Variants in KIAA1958 observed in about 807,000 individuals in gnomAD.
KIAA1958 encodes KIAA1958.
Under a neutral mutation model 47.2 loss-of-function variants are expected in KIAA1958, and 14 were observed. The ratio of observed to expected loss-of-function variants is 0.30; its 90% confidence interval spans 0.20 to 0.46. The LOEUF is 0.46. Ranked by LOEUF, KIAA1958 falls within the 20% of genes least tolerant of loss-of-function variation. The pLI is 1.00. For missense variants in KIAA1958, 803 were observed against 909.2 expected (o/e 0.88, Z 1.50); for synonymous variants, 354 against 353.3 (o/e 1.00, Z -0.02).
chr9:112,597,460 T>C (rs1046301799), intron 2 of KIAA1958, among the ~76,000 whole-genome samples: 1 of 152,232 alleles, frequency 6.6e-6, no homozygotes, highest in Non-Finnish European at 1.5e-5. Flanking sequence ...CCCAAATTTA[T>C]GCTCTTAACC....
chr9:112,552,087 T>C (rs139808548), intron 1 of KIAA1958, among the ~76,000 whole-genome samples: 15 of 152,310 alleles, frequency 9.8e-5, no homozygotes, highest in African/African-American at 3.4e-4. Context: ...AATATTTTTG[T>C]GTGTGACAGC....
Position 112,618,289 on chromosome 9 carries a change from A to G in KIAA1958, c.1172-27361A>G, listed in dbSNP as rs1836440312. ...TTGCTGACGAGCTCATCCTGCGGAAAAGGGGACTGCTAAGCCGATATAACC... is the reference window on the plus strand; with the variant it reads ...TTGCTGACGAGCTCATCCTGCGGAAGAGGGGACTGCTAAGCCGATATAACC... On this transcript the variant is annotated intron_variant, in intron 2 of 3. Transcript: ENST00000337530. This position sits in a 1 kb window ranked among gnomAD's most constrained non-coding sequence, Gnocchi z 7.1. 1.3e-6 allele frequency: 2 copies of G among 1,550,936 alleles called. No individual in the cohort carries two copies. Among genetic ancestry groups the G allele is most frequent in the Non-Finnish European group, 1.7e-6 (2 of 1,147,094 alleles).
At chr9:112,538,087 A>G (rs1399505082) in intron 1 of KIAA1958, among the ~76,000 whole-genome samples, 3 of 152,106 alleles carry the variant, frequency 2.0e-5, no homozygotes, top group African/African-American at 4.8e-5. Flanking sequence ...TCCCAGCTCT[A>G]TGGGAGGCCA....
chr9:112,607,664 A>G lies in KIAA1958; in HGVS notation c.1171+32413A>G, dbSNP rs1836258414. Among the ~76,000 whole-genome samples the G allele has an allele frequency of 2.0e-5, 3 of 150,704 alleles. No individual in the cohort carries two copies. In the Admixed American group the frequency reaches 2.0e-4, roughly 10 times the overall value. Reference sequence around the variant, plus strand: ...ATACTCTGTACCAGAAAAAAAGACTAATGTACAATGATCAGCACTGAGACA... The same window carrying G: ...ATACTCTGTACCAGAAAAAAAGACTGATGTACAATGATCAGCACTGAGACA... On this transcript the variant is annotated intron_variant, in intron 2 of 3. Coordinates refer to ENST00000337530, the MANE Select transcript of KIAA1958 (RefSeq NM_133465.4).
chr9:112,559,141 C>G (rs1346876175), intron 1 of KIAA1958, among the ~76,000 whole-genome samples: 1 of 152,132 alleles, frequency 6.6e-6, no homozygotes, highest in Non-Finnish European at 1.5e-5. Flanking sequence ...GGTTCTTCTA[C>G]GTAGACATGT....
chr9:112,515,326 C>T (rs1273769008), intron 1 of KIAA1958, among the ~76,000 whole-genome samples: 2 of 141,488 alleles, frequency 1.4e-5, no homozygotes, highest in African/African-American at 2.6e-5. Context: ...TCTGCCCGGC[C>T]GCCCCTACTG....
intron 2 of KIAA1958, among the ~76,000 whole-genome samples, chr9:112,609,077 A>C (rs1449502530): frequency 6.6e-6 from 1 of 152,214 alleles, no homozygotes; most frequent in Non-Finnish European, 1.5e-5. Context: ...GATTTGGCCA[A>C]CAGAAAGAGG....
chr9:112,618,538 G>A lies in KIAA1958; in HGVS notation c.1172-27112G>A, dbSNP rs1167615086. 1.2e-5 allele frequency: 18 copies of A among 1,550,710 alleles called. No individual in the cohort carries two copies. The highest frequency in any genetic ancestry group is 1.5e-5 in the Non-Finnish European group (17 of 1,147,020). ...TGTATGCCACCCAGCACGCCCCACA[G>A]ACCTGCCCTGTCCAGGACTATAAGG... On this transcript the variant is annotated intron_variant, in intron 2 of 3. Transcript: ENST00000337530. This position sits in a 1 kb window ranked among gnomAD's most constrained non-coding sequence, Gnocchi z 7.1.
At position 112,493,635 on chromosome 9, in the gene KIAA1958, G is replaced by A. The variant is rs79776084; in HGVS notation, c.-25+6517G>A. ...TTAGTTTTTCATTTAAATATATTCA[G>A]TGTGCAACAGAAGTCCTTACGGTAA... On this transcript the variant is annotated intron_variant, in intron 1 of 3. Coordinates refer to ENST00000337530, the MANE Select transcript of KIAA1958 (RefSeq NM_133465.4). Among the ~76,000 whole-genome samples, 408 of 152,206 alleles carry A rather than the reference G, an allele frequency of 2.7e-3. 2 individuals carry two copies. The highest frequency in any genetic ancestry group is 9.3e-3 in the African/African-American group (385 of 41,520).
At chr9:112,657,502 ATATT>A (rs1564204083) in intron 3 of KIAA1958, among the ~76,000 whole-genome samples, 1 of 152,202 alleles carries the variant, frequency 6.6e-6, no homozygotes, top group African/African-American at 2.4e-5. Context: ...ACTATGATGT[ATATT>A]TATTATGTAT....
intron 1 of KIAA1958, among the ~76,000 whole-genome samples, chr9:112,569,780 C>A (rs1450143747): frequency 5.9e-5 from 9 of 152,082 alleles, no homozygotes. Flanking sequence ...GCCTCCATGC[C>A]TGACTAATTT....
chr9:112,610,138 A>G (rs531283938), intron 2 of KIAA1958, among the ~76,000 whole-genome samples: 4 of 152,318 alleles, frequency 2.6e-5, no homozygotes, highest in Admixed American at 2.6e-4. Context: ...AGTTTTTATT[A>G]TGAAATCAAT....
intron 1 of KIAA1958, among the ~76,000 whole-genome samples, chr9:112,544,582 C>A (rs1049043376): frequency 6.6e-6 from 1 of 152,156 alleles, no homozygotes; most frequent in African/African-American, 2.4e-5. Flanking sequence ...AGGGGGCAGC[C>A]CCCAGTTGCT....
intron 2 of KIAA1958, among the ~76,000 whole-genome samples, chr9:112,636,374 C>G (rs554969324): frequency 2.0e-5 from 3 of 152,000 alleles, no homozygotes; most frequent in South Asian, 2.1e-4. Flanking sequence ...GTGTGTTGTT[C>G]TTCTTTATGT....
At position 112,645,750 on chromosome 9, in the gene KIAA1958, G is replaced by A. The variant is rs372461264; in HGVS notation, c.1272G>A (p.Thr424=). The part of the protein sequence containing the change: ...SAVSPNTTKA[T]RYALNVWRYW... ...TAAGCCCAAATACTACCAAAGCCAC[G>A]CGGTACGCCTTGAATGTGTGGCGTT... Residue 424 remains threonine, a synonymous_variant, in exon 3 of 4, where the codon ACG becomes ACA. Coordinates refer to ENST00000337530, the MANE Select transcript of KIAA1958 (RefSeq NM_133465.4). 4.7e-5 allele frequency: 76 copies of A among 1,613,906 alleles called. No individual in the cohort carries two copies. Among genetic ancestry groups the A allele is most frequent in the Non-Finnish European group, 5.9e-5 (70 of 1,179,966 alleles).
chr9:112,548,748 A>G (rs1207413776), intron 1 of KIAA1958, among the ~76,000 whole-genome samples: 1 of 152,220 alleles, frequency 6.6e-6, no homozygotes, highest in African/African-American at 2.4e-5. Context: ...GTTTTTCCAA[A>G]TATTTCTCAG....
At chr9:112,658,972 A>G (rs1002942772) in intron 3 of KIAA1958, among the ~76,000 whole-genome samples, 1 of 146,208 alleles carries the variant, frequency 6.8e-6, no homozygotes, top group Non-Finnish European at 1.5e-5. Flanking sequence ...GTGAGCCGAG[A>G]TCACGCCACT....
At chr9:112,646,224 G>T (rs972765608) in intron 3 of KIAA1958, among the ~76,000 whole-genome samples, 1 of 152,022 alleles carries the variant, frequency 6.6e-6, no homozygotes, top group African/African-American at 2.4e-5. Context: ...CTCATATCTT[G>T]GTATCATGGA....
intron 1 of KIAA1958, among the ~76,000 whole-genome samples, chr9:112,506,239 A>G (rs1157923322): frequency 1.3e-5 from 2 of 152,092 alleles, no homozygotes; most frequent in Admixed American, 1.3e-4. Flanking sequence ...GGCGGATCAC[A>G]AGGTCAGGAG....
Sources: gnomAD v4.1 joint callset for allele counts (sites outside exome capture counted in the v4.1 genomes callset) on GRCh38, gnomAD v4.1.1 for gene constraint, Gnocchi (gnomAD v3.1) non-coding constraint, MANE v1.5 for transcripts, NCBI Gene and HGNC (gene_info 2026-07-23, HGNC 2026-07-21) for gene names.